GAS7: variants seen among roughly 807,000 people sequenced by gnomAD.
The protein encoded by GAS7 is growth arrest specific 7.
A neutral mutation model predicts 71.1 loss-of-function variants in GAS7; 28 were observed. That is an observed-to-expected ratio of 0.39 (90% CI 0.29 to 0.54). The LOEUF (loss-of-function observed/expected upper bound fraction) is 0.54, where lower values mean the gene tolerates loss of function less well. Ranked by LOEUF, GAS7 falls within the 20% of genes least tolerant of loss-of-function variation. The probability of loss-of-function intolerance (pLI) is 0.62; values close to 1 mark genes in which losing one functional copy is unlikely to be tolerated. For synonymous variants in GAS7, 258 were observed against 245.8 expected, an observed-to-expected ratio of 1.05 and a Z score of -0.46; for missense variants, 436 against 627.8, an observed-to-expected ratio of 0.69 and a Z score of 3.27.
chr17:9,935,002 C>T lies in GAS7; in HGVS notation c.807-758G>A, dbSNP rs538150623. Among the ~76,000 whole-genome samples the T allele has an allele frequency of 2.7e-3, 418 of 152,322 alleles. 1 individual carries two copies. The highest frequency in any genetic ancestry group is 0.02 in the Middle Eastern group (6 of 294). On this transcript the variant is annotated intron_variant, in intron 8 of 13. Coordinates refer to ENST00000432992, the MANE Select transcript of GAS7 (RefSeq NM_201433.2). ...CAGCTGCAGGGAGGGGTTACCTCGG[C>T]CTCCCAAAGTACTGGGATTACAGGC...
At chr17:10,069,417 CA>C (rs2152246033) in intron 1 of GAS7, among the ~76,000 whole-genome samples, 1 of 152,342 alleles carries the variant, frequency 6.6e-6, no homozygotes, top group South Asian at 2.1e-4. Flanking sequence ...CTTGCTAGTC[CA>C]GGAACACCAG....
At chr17:10,006,513 T>C (rs1321297088) in intron 2 of GAS7, among the ~76,000 whole-genome samples, 2 of 151,618 alleles carry the variant, frequency 1.3e-5, no homozygotes, top group Non-Finnish European at 2.9e-5. Context: ...GTATTTTTAG[T>C]AGAGATGGGG....
At chr17:10,064,908 G>T (rs1260966461) in intron 1 of GAS7, among the ~76,000 whole-genome samples, 3 of 152,178 alleles carry the variant, frequency 2.0e-5, no homozygotes, top group African/African-American at 7.2e-5. Context: ...GCTCACTGCA[G>T]CCTCAAACTC....
chr17:10,089,817 T>A (rs1470563233), intron 1 of GAS7, among the ~76,000 whole-genome samples: 1 of 152,058 alleles, frequency 6.6e-6, no homozygotes, highest in East Asian at 1.9e-4. Context: ...AACATACAAT[T>A]GTTGTATTTA....
At chr17:10,158,864 G>A (rs2074226625) in intron 1 of GAS7, among the ~76,000 whole-genome samples, 1 of 151,364 alleles carries the variant, frequency 6.6e-6, no homozygotes, top group Admixed American at 6.6e-5. Flanking sequence ...AGATCAGCCT[G>A]GGCAACATGG....
At chr17:10,107,386 GA>G (rs772603912) in intron 1 of GAS7, among the ~76,000 whole-genome samples, 7 of 152,276 alleles carry the variant, frequency 4.6e-5, no homozygotes, top group Non-Finnish European at 8.8e-5. Context: ...TTATCAGCTG[GA>G]AACTTACATA....
rs375785162 is a variant in GAS7 at position 10,172,334 on chromosome 17, G to A, written c.183+25874C>T. Among the ~76,000 whole-genome samples the A allele has an allele frequency of 1.2e-4, 19 of 152,230 alleles. 2 individuals are homozygous for A. The highest frequency in any genetic ancestry group is 6.5e-4 in the Admixed American group (10 of 15,282). On this transcript the variant is annotated intron_variant, in intron 1 of 13. Transcript: ENST00000432992. The stretch of plus-strand genomic sequence containing the variant: ...AACCTCCTTCCTCTGCCGCATGTCC[G>A]GCCCTGCCCAAGGATTCCCCAGGGG...
At chr17:10,196,173 G>GC (rs1207951008) in intron 1 of GAS7, among the ~76,000 whole-genome samples, 1 of 152,148 alleles carries the variant, frequency 6.6e-6, no homozygotes, top group Non-Finnish European at 1.5e-5. Context: ...ACGCTGTTTG[G>GC]CATAGTTGAG....
In GAS7 at chr17:10,032,127, A is replaced by C. The variant is rs540256940; in HGVS notation, c.184-12230T>G. 4.1e-3 allele frequency among the ~76,000 whole-genome samples: 625 copies of C among 152,012 alleles called. 1 individual carries two copies. The highest frequency in any genetic ancestry group is 9.4e-3 in the Admixed American group (144 of 15,268). On this transcript the variant is annotated intron_variant, in intron 1 of 13. Coordinates refer to ENST00000432992, the MANE Select transcript of GAS7 (RefSeq NM_201433.2). Reference sequence around the variant, plus strand: ...GGAACCTCAGAAAAAAAAAAAAAAAAAAACCCTACATTTTGTTCCATTTCA... The same window carrying C: ...GGAACCTCAGAAAAAAAAAAAAAAACAAACCCTACATTTTGTTCCATTTCA...
intron 5 of GAS7, chr17:9,958,999 A>T: frequency 7.0e-7 from 1 of 1,419,550 alleles, no homozygotes; most frequent in Non-Finnish European, 9.2e-7. Context: ...ACCAGGAGAG[A>T]AGTGAAATGT....
At chr17:10,166,596 G>A (rs1167100252) in intron 1 of GAS7, among the ~76,000 whole-genome samples, 1 of 152,116 alleles carries the variant, frequency 6.6e-6, no homozygotes, top group African/African-American at 2.4e-5. Flanking sequence ...TCTTCCTCCA[G>A]ACTTTCTTTT....
Position 9,915,736 on chromosome 17 carries a change from T to A in GAS7, c.*1492A>T. On this transcript the variant is annotated 3_prime_UTR_variant, in exon 14 of 14. Transcript: ENST00000432992. Reference sequence around the variant, plus strand: ...GCAGATGTGCAGGTCAAACCCAAAGTGGTCAATGGGAAAGATGAAGAAAGA... The same window carrying A: ...GCAGATGTGCAGGTCAAACCCAAAGAGGTCAATGGGAAAGATGAAGAAAGA... The A allele has an allele frequency of 4.3e-6, 1 of 230,578 alleles. No individual in the cohort carries two copies. Among genetic ancestry groups the A allele is most frequent in the Non-Finnish European group, 8.6e-6 (1 of 116,394 alleles). The allele number at this position is 230,578 out of a possible 1,614,324, so 14.3% of individuals were successfully genotyped here.
chr17:10,044,203 T>G (rs1467423548), intron 1 of GAS7, among the ~76,000 whole-genome samples: 1 of 152,216 alleles, frequency 6.6e-6, no homozygotes, highest in Non-Finnish European at 1.5e-5. Context: ...CTTATGGCAT[T>G]GCACTAAACA....
rs146888008 is a variant in GAS7 at position 10,183,714 on chromosome 17, T to C, written c.183+14494A>G. Among the ~76,000 whole-genome samples, 1,374 of 152,022 alleles carry C rather than the reference T, an allele frequency of 9.0e-3. 7 individuals carry two copies. Among genetic ancestry groups the C allele is most frequent in the Middle Eastern group, 0.031 (9 of 294 alleles). On this transcript the variant is annotated intron_variant, in intron 1 of 13. Transcript: ENST00000432992. ...AAAATTAGCCGGGCGTGGTGGCGGG[T>C]GCCTGTAGTCCCAGCTACTTGGGAG...
intron 2 of GAS7, among the ~76,000 whole-genome samples, chr17:10,003,331 T>C (rs1325631137): frequency 1.8e-4 from 27 of 152,168 alleles, no homozygotes; most frequent in Admixed American, 1.7e-3. Flanking sequence ...TCCATGCAGG[T>C]GTTCACCCAA....
Position 10,036,785 on chromosome 17 carries a change from C to A in GAS7, c.184-16888G>T, listed in dbSNP as rs999280989. Reference sequence around the variant, plus strand: ...TTTTTTCCCACTCTCCCTCTTTTTCCCCTTTCTCAGCTAAAAAACGTTGGC... The same window carrying A: ...TTTTTTCCCACTCTCCCTCTTTTTCACCTTTCTCAGCTAAAAAACGTTGGC... On this transcript the variant is annotated intron_variant, in intron 1 of 13. Coordinates refer to ENST00000432992, the MANE Select transcript of GAS7 (RefSeq NM_201433.2). 58 of 1,142,336 alleles carry A rather than the reference C, an allele frequency of 5.1e-5. No individual in the cohort carries two copies. In the African/African-American group the frequency reaches 8.8e-4, roughly 17 times the overall value. 70.8% of individuals were successfully genotyped at this position (1,142,336 alleles called of 1,614,324 possible).
Position 10,167,044 on chromosome 17 carries a change from C to CTTTTTTTTTTTTTTTTTTTTTTTT in GAS7, c.183+31140_183+31163dup, listed in dbSNP as rs1164151104. ...AAACCAATCTACTATTTCCATTTGT[C>CTTTTTTTTTTTTTTTTTTTTTTTT]TTTTTTTTTTTTTTTTTTTTTTTTT... On this transcript the variant is annotated intron_variant, in intron 1 of 13. Transcript: ENST00000432992. Among the ~76,000 whole-genome samples the CTTTTTTTTTTTTTTTTTTTTTTTT allele has an allele frequency of 5.1e-5, 3 of 58,818 alleles. 1 individual carries two copies. The highest frequency in any genetic ancestry group is 2.4e-4 in the Admixed American group (1 of 4,220). The allele number at this position is 58,818 out of a possible 152,430, so 38.6% of individuals were successfully genotyped here. A position where few individuals can be genotyped will look rare whatever the true frequency, so the allele number is the denominator to read the frequency against.
chr17:10,081,541 T>C (rs1480879269), intron 1 of GAS7, among the ~76,000 whole-genome samples: 1 of 152,132 alleles, frequency 6.6e-6, no homozygotes, highest in Admixed American at 6.6e-5. Context: ...AAGTTTTGCA[T>C]GACAAAATAC....
chr17:9,979,011 C>T (rs189938608), intron 3 of GAS7, among the ~76,000 whole-genome samples: 3 of 152,170 alleles, frequency 2.0e-5, no homozygotes, highest in Non-Finnish European at 4.4e-5. Context: ...AGCCCCTCCC[C>T]CCGGTGCTGG....
Sources: allele counts gnomAD v4.1 joint callset (sites outside exome capture counted in the v4.1 genomes callset), GRCh38; gene constraint gnomAD v4.1.1; transcripts MANE v1.5; gene names NCBI Gene and HGNC (gene_info 2026-07-23, HGNC 2026-07-21).